Variants in SATB2 observed in about 807,000 individuals in gnomAD.
SATB2 encodes the protein DNA-binding protein SATB2.
SATB2 carries 1 observed loss-of-function variant against 73.4 expected under a neutral mutation model. The ratio of observed to expected loss-of-function variants is 0.01; its 90% CI spans 0.00 to 0.06. SATB2 has a LOEUF of 0.06. SATB2 is among the 10% of genes least tolerant of loss of function. The pLI is 1.00. For missense variants in SATB2, 459 were observed against 945.8 expected (o/e 0.49, Z 6.75); for synonymous variants, 397 against 367.0 (o/e 1.08, Z -0.93).
At chr2:199,372,483 C>T (rs1689478662) in intron 5 of SATB2, among the ~76,000 whole-genome samples, 1 of 152,108 alleles carries the variant, frequency 6.6e-6, no homozygotes, top group African/African-American at 2.4e-5. Flanking sequence ...TGTTTTTCAA[C>T]TAGCCCAGAG....
intron 2 of SATB2, among the ~76,000 whole-genome samples, chr2:199,439,300 G>A (rs1691740111): frequency 1.3e-5 from 2 of 152,352 alleles, no homozygotes; most frequent in South Asian, 4.1e-4. Flanking sequence ...AGTTTGAGAT[G>A]AGAGGAGGCC....
At chr2:199,391,432 C>CAAA (rs56190034) in intron 3 of SATB2, among the ~76,000 whole-genome samples, 63 of 98,422 alleles carry the variant, frequency 6.4e-4, no homozygotes, top group South Asian at 6.8e-4. Context: ...GACTCCGTCT[C>CAAA]AAAAAAAAAA....
intron 6 of SATB2, among the ~76,000 whole-genome samples, chr2:199,355,512 T>C (rs1388789667): frequency 1.3e-5 from 2 of 152,010 alleles, no homozygotes; most frequent in African/African-American, 4.8e-5. Flanking sequence ...CTGAAGGTTT[T>C]TGAGCAAAAG....
chr2:199,280,586 C>A (rs1160346045), intron 10 of SATB2, among the ~76,000 whole-genome samples: 23 of 152,064 alleles, frequency 1.5e-4, no homozygotes, highest in Admixed American at 1.5e-3. Context: ...TGAGGGTAGG[C>A]CTCTGAAATG....
intron 7 of SATB2, among the ~76,000 whole-genome samples, chr2:199,341,298 G>A (rs899365396): frequency 3.9e-5 from 6 of 152,076 alleles, no homozygotes; most frequent in South Asian, 2.1e-4. Context: ...AAGCAAGAAC[G>A]AATATGGAAA....
chr2:199,383,382 C>T (rs1202550472), intron 3 of SATB2, among the ~76,000 whole-genome samples: 1 of 152,216 alleles, frequency 6.6e-6, no homozygotes, highest in African/African-American at 2.4e-5. Flanking sequence ...CAGCCACCCA[C>T]GAGAGAGTGG....
intron 7 of SATB2, chr2:199,346,967 AT>A (rs1310275434): frequency 7.0e-6 from 1 of 143,092 alleles, no homozygotes; most frequent in Admixed American, 7.6e-5. Context: ...GGTTCAAGGG[AT>A]TCTTCTGCCT....
chr2:199,336,243 G>A (rs73067516), intron 7 of SATB2, among the ~76,000 whole-genome samples: 2,546 of 152,164 alleles, frequency 0.017, 71 homozygotes, highest in African/African-American at 0.057. Flanking sequence ...GAACTGAACA[G>A]GTTCCCTTTG....
Position 199,271,899 on chromosome 2 carries a change from G to A in SATB2, c.*312C>T. 2.5e-6 allele frequency: 1 copy of A among 406,720 alleles called. No homozygotes were observed. Among genetic ancestry groups the A allele is most frequent in the East Asian group, 5.4e-5 (1 of 18,430 alleles). The allele number at this position is 406,720 out of a possible 1,614,324, so 25.2% of individuals were successfully genotyped here. A position where few individuals can be genotyped will look rare whatever the true frequency, so the allele number is the denominator to read the frequency against. Reference sequence around the variant, plus strand: ...AACTTCCGTTAAGTGCAAGGATAATGAAGGCAGAGTCTCCTGTGATTATAA... The same window carrying A: ...AACTTCCGTTAAGTGCAAGGATAATAAAGGCAGAGTCTCCTGTGATTATAA... On this transcript the variant is annotated 3_prime_UTR_variant, in exon 11 of 11. Transcript: ENST00000417098.
chr2:199,450,487 A>T (rs1451527727), intron 2 of SATB2, among the ~76,000 whole-genome samples: 1 of 152,090 alleles, frequency 6.6e-6, no homozygotes, highest in Non-Finnish European at 1.5e-5. Context: ...ATTAATTTAC[A>T]TGCTATATAG....
chr2:199,304,480 C>A (rs543374669), intron 10 of SATB2, among the ~76,000 whole-genome samples: 1 of 152,284 alleles, frequency 6.6e-6, no homozygotes, highest in East Asian at 1.9e-4. Context: ...CTGATCCCCT[C>A]AGAAGGTTTT....
intron 10 of SATB2, among the ~76,000 whole-genome samples, chr2:199,297,488 G>A (rs1687144644): frequency 6.6e-6 from 1 of 152,164 alleles, no homozygotes; most frequent in African/African-American, 2.4e-5. Context: ...TGGGATCACA[G>A]CAAGTTCTGC....
chr2:199,368,803 C>A (rs1306442222), intron 5 of SATB2, 96 bp from the exon 6 acceptor site: 14 of 691,294 alleles, frequency 2.0e-5, no homozygotes, highest in Admixed American at 2.4e-5. Flanking sequence ...CCTCTTTTTT[C>A]TTTTAAACTT....
intron 5 of SATB2, among the ~76,000 whole-genome samples, chr2:199,370,644 G>C (rs2105852394): frequency 6.6e-6 from 1 of 152,162 alleles, no homozygotes; most frequent in East Asian, 1.9e-4. Flanking sequence ...CACAAGCCCA[G>C]ACGACTGCAT....
chr2:199,339,900 G>A (rs1240649971), intron 7 of SATB2, among the ~76,000 whole-genome samples: 1 of 152,140 alleles, frequency 6.6e-6, no homozygotes, highest in African/African-American at 2.4e-5. Context: ...TTGGTTGCCA[G>A]GATTTTCATG....
At chr2:199,412,494 G>GC in intron 3 of SATB2, among the ~76,000 whole-genome samples, 1 of 152,280 alleles carries the variant, frequency 6.6e-6, no homozygotes, top group East Asian at 1.9e-4. Context: ...CCTCCTGAAT[G>GC]CACAGCACAC....
chr2:199,383,362 GC>G (rs1285053876), intron 3 of SATB2, among the ~76,000 whole-genome samples: 1 of 152,142 alleles, frequency 6.6e-6, no homozygotes, highest in African/African-American at 2.4e-5. Flanking sequence ...AACATCCAGG[GC>G]CCACTGGACA....
chr2:199,458,549 C>A (rs935217013), upstream of SATB2: 8 of 358,416 alleles, frequency 2.2e-5, no homozygotes, highest in African/African-American at 1.4e-4. Flanking sequence ...TGTGGCGGGT[C>A]CAGGGCGCGG....
intron 10 of SATB2, among the ~76,000 whole-genome samples, chr2:199,294,606 C>T (rs538379045): frequency 3.9e-5 from 6 of 152,270 alleles, no homozygotes; most frequent in African/African-American, 1.4e-4. Flanking sequence ...CCCTAAATTA[C>T]ACCACATGGA....
Sources: gnomAD v4.1 joint callset for allele counts (sites outside exome capture counted in the v4.1 genomes callset) on GRCh38, gnomAD v4.1.1 for gene constraint, MANE v1.5 for transcripts, NCBI Gene and HGNC (gene_info 2026-07-23, HGNC 2026-07-21) for gene names.